SHANK2: variants seen among roughly 807,000 people sequenced by gnomAD.
SHANK2 encodes SH3 and multiple ankyrin repeat domains protein 2.
SHANK2 carries 43 observed loss-of-function variants against 133.7 expected under a neutral mutation model. That is an observed-to-expected ratio of 0.32 (90% CI 0.25 to 0.41). The LOEUF is 0.41. Among genes scored for constraint, SHANK2 ranks in the 10% least tolerant of loss-of-function variants. SHANK2 has a pLI of 1.00. For synonymous variants in SHANK2, 1,017 were observed against 952.8 expected (o/e 1.07, Z -1.24); for missense variants, 1,994 against 2,235.8 (o/e 0.89, Z 2.18).
intron 11 of SHANK2, among the ~76,000 whole-genome samples, chr11:70,837,996 A>G (rs1309265740): frequency 4.6e-5 from 7 of 150,726 alleles, no homozygotes; most frequent in South Asian, 2.1e-4. Context: ...AAAAAAAAAA[A>G]AAAAAGAAAA....
intron 2 of SHANK2, among the ~76,000 whole-genome samples, chr11:71,200,196 C>T (rs559257877): frequency 1.8e-4 from 27 of 152,278 alleles, no homozygotes; most frequent in African/African-American, 6.0e-4. Flanking sequence ...CTGGACAATG[C>T]GGATAAATGG....
At position 71,109,930 on chromosome 11, in the gene SHANK2, C is replaced by G. The variant is rs1590921745; in HGVS notation, c.592+11G>C. 3 of 1,531,616 alleles carry G rather than the reference C, an allele frequency of 2.0e-6. No individual in the cohort carries two copies. In the Admixed American group the frequency reaches 5.9e-5, roughly 30 times the overall value. 94.9% of individuals were successfully genotyped at this position (1,531,616 alleles called of 1,614,324 possible). A position where few individuals can be genotyped will look rare whatever the true frequency, so the allele number is the denominator to read the frequency against. On this transcript the variant is annotated intron_variant, in intron 6 of 25. Transcript: ENST00000601538. Reference sequence around the variant, plus strand: ...TAAAGCCTGGTAAGGTCCCCTCTAGCAAGTGCTCACCTCCGGTCTCCGGGT... The same window carrying G: ...TAAAGCCTGGTAAGGTCCCCTCTAGGAAGTGCTCACCTCCGGTCTCCGGGT...
intron 2 of SHANK2, among the ~76,000 whole-genome samples, chr11:71,199,247 G>A (rs1953972182): frequency 6.6e-6 from 1 of 152,202 alleles, no homozygotes; most frequent in South Asian, 2.1e-4. Context: ...CTGTAAAATG[G>A]GAGCTTTACT....
chr11:70,907,946 C>A (rs1408476839), intron 10 of SHANK2: 2 of 449,770 alleles, frequency 4.4e-6, no homozygotes, highest in East Asian at 1.4e-4. Flanking sequence ...ACCAAAAATA[C>A]AAAAACTAGC....
intron 10 of SHANK2, among the ~76,000 whole-genome samples, chr11:70,933,711 G>A (rs1365183321): frequency 1.3e-5 from 2 of 152,104 alleles, no homozygotes; most frequent in Admixed American, 6.6e-5. Flanking sequence ...CATGAGGTCA[G>A]GAGTTCAAGA....
intron 15 of SHANK2, chr11:70,662,046 G>GGCGGCA (rs1944560761): frequency 2.0e-6 from 1 of 506,680 alleles, no homozygotes; most frequent in Non-Finnish European, 3.6e-6. Context: ...GAACGGCGGC[G>GGCGGCA]GCGGCAGCGG....
chr11:71,172,588 A>C (rs1277189533), intron 2 of SHANK2, among the ~76,000 whole-genome samples: 1 of 123,760 alleles, frequency 8.1e-6, no homozygotes, highest in African/African-American at 2.8e-5. Flanking sequence ...ACAGAGTGAG[A>C]CTCTGTCTCA....
At chr11:70,573,557 G>GGGT (rs1554983583) in intron 17 of SHANK2, among the ~76,000 whole-genome samples, 227 of 131,730 alleles carry the variant, frequency 1.7e-3, no homozygotes, top group Non-Finnish European at 2.5e-3. Context: ...GGCGGGGGGG[G>GGGT]GGTGGGGCAT....
chr11:70,704,170 C>T (rs868961508), intron 14 of SHANK2, among the ~76,000 whole-genome samples: 2 of 152,218 alleles, frequency 1.3e-5, no homozygotes, highest in East Asian at 1.9e-4. Flanking sequence ...GAGAGACGGG[C>T]GACTGCCCTA....
At chr11:70,949,903 G>A (rs1393962848) in intron 10 of SHANK2, among the ~76,000 whole-genome samples, 1 of 152,204 alleles carries the variant, frequency 6.6e-6, no homozygotes, top group Admixed American at 6.5e-5. Flanking sequence ...AGGCTGGGTC[G>A]ATTATAAATG....
chr11:71,234,362 AAAATAAAT>A (rs60796828), intron 1 of SHANK2, among the ~76,000 whole-genome samples: 3,392 of 141,072 alleles, frequency 0.024, 45 homozygotes, highest in Non-Finnish European at 0.032. Flanking sequence ...ACTCATCTCA[AAAATAAAT>A]AAATAAATAA....
At chr11:70,867,784 G>A (rs1949391543) in intron 11 of SHANK2, among the ~76,000 whole-genome samples, 1 of 152,232 alleles carries the variant, frequency 6.6e-6, no homozygotes, top group South Asian at 2.1e-4. Context: ...TCTCTGTGAA[G>A]TTTCCAAGGA....
intron 2 of SHANK2, among the ~76,000 whole-genome samples, chr11:71,174,501 G>A (rs1380429897): frequency 1.3e-5 from 2 of 152,020 alleles, no homozygotes; most frequent in Admixed American, 6.6e-5. Context: ...CCAACATGGT[G>A]AAACCCCGTC....
intron 17 of SHANK2, among the ~76,000 whole-genome samples, chr11:70,594,580 G>A: frequency 6.6e-6 from 1 of 152,202 alleles, no homozygotes; most frequent in East Asian, 1.9e-4. Flanking sequence ...GAAGTAGCTT[G>A]GTGGTTGCCA....
rs896675499 is a variant in SHANK2, at chr11:70,710,827, A to G, written c.1778-12064T>C. ...GCAGAGAACCCAGTCCAGCTGCCTGACTTTGGACTCACAGAGCCTCGGGGT... is the reference window on the plus strand; with the variant it reads ...GCAGAGAACCCAGTCCAGCTGCCTGGCTTTGGACTCACAGAGCCTCGGGGT... On this transcript the variant is annotated intron_variant, in intron 14 of 25. Coordinates refer to ENST00000601538, the MANE Select transcript of SHANK2 (RefSeq NM_012309.5). 4.6e-5 allele frequency among the ~76,000 whole-genome samples: 7 copies of G among 152,280 alleles called. No individual in the cohort carries two copies. The East Asian group carries it at 1.4e-3, about 29-fold the overall frequency.
intron 17 of SHANK2, among the ~76,000 whole-genome samples, chr11:70,579,441 G>A (rs554548716): frequency 1.3e-4 from 20 of 152,340 alleles, no homozygotes; most frequent in East Asian, 7.7e-4. Flanking sequence ...AGAAAGTGGC[G>A]CTTGCAGGCC....
intron 14 of SHANK2, among the ~76,000 whole-genome samples, chr11:70,762,674 T>A (rs1189709292): frequency 6.6e-6 from 1 of 152,138 alleles, no homozygotes; most frequent in Non-Finnish European, 1.5e-5. Context: ...AGCTCCTTCC[T>A]CAGTATGAGC....
chr11:71,252,087 T>A lies in SHANK2; in HGVS notation c.-113+338A>T, dbSNP rs1866883. Among the ~76,000 whole-genome samples the A allele has an allele frequency of 0.52, 79,106 of 151,636 alleles. 23,203 individuals carry two copies. The highest frequency in any genetic ancestry group is 0.81 in the African/African-American group (33,557 of 41,178). On this transcript the variant is annotated intron_variant, in intron 1 of 25. Coordinates refer to ENST00000601538, the MANE Select transcript of SHANK2 (RefSeq NM_012309.5). This position sits in a 1 kb window ranked among gnomAD's most constrained non-coding sequence, Gnocchi z 6.3. ...GGAAGGGGCAGGACGCGCCAGAGAC[T>A]ACGTGGTCCATGCGCGCAGGAGATA...
intron 17 of SHANK2, among the ~76,000 whole-genome samples, chr11:70,635,767 A>AG (rs140407741): frequency 0.19 from 28,001 of 150,698 alleles, 2,936 homozygotes; most frequent in South Asian, 0.34. Flanking sequence ...AAAAAAAAAA[A>AG]GGGGGGAGGA....
Sources: gnomAD v4.1 joint callset for allele counts (sites outside exome capture counted in the v4.1 genomes callset) on GRCh38, gnomAD v4.1.1 for gene constraint, Gnocchi (gnomAD v3.1) non-coding constraint, MANE v1.5 for transcripts, NCBI Gene and HGNC (gene_info 2026-07-23, HGNC 2026-07-21) for gene names.